The following ROBO2 variants were observed in gnomAD, a reference collection of about 807,000 sequenced individuals.
The protein encoded by ROBO2 is roundabout homolog 2.
In ROBO2, 53 loss-of-function variants were observed where a neutral mutation model predicts 160.8. That is an observed-to-expected ratio of 0.33 (90% confidence interval 0.26 to 0.41). The LOEUF is 0.41. ROBO2 is among the 10% of genes least tolerant of loss of function. The pLI is 1.00. For missense variants in ROBO2, 1,577 were observed against 1,722.4 expected, an observed-to-expected ratio of 0.92 and a Z score of 1.49; for synonymous variants, 664 against 611.7, an observed-to-expected ratio of 1.09 and a Z score of -1.26.
Position 77,527,156 on chromosome 3 carries a change from CTT to C in ROBO2, c.934+4256_934+4257del, listed in dbSNP as rs1210442677. ...ACTGCAGTAAGTGATGATGATAAGA[CTT>C]TACCTAAAATATCTCTCAAATTGCT... On this transcript the variant is annotated intron_variant, in intron 6 of 25. Coordinates refer to ENST00000461745, the Ensembl canonical transcript of ROBO2. Among the ~76,000 whole-genome samples the C allele has an allele frequency of 2.6e-5, 4 of 151,422 alleles. No homozygotes were observed. In the East Asian group the frequency reaches 7.8e-4, roughly 30 times the overall value.
chr3:77,587,488 CA>C (rs1217114477), intron 16 of ROBO2, among the ~76,000 whole-genome samples: 1 of 152,064 alleles, frequency 6.6e-6, no homozygotes, highest in African/African-American at 2.4e-5. Flanking sequence ...GCCCTTAAAG[CA>C]GCCCTTAAAC....
chr3:76,777,262 A>C (rs2062332893), intron 2 of ROBO2, among the ~76,000 whole-genome samples: 1 of 151,128 alleles, frequency 6.6e-6, no homozygotes, highest in Non-Finnish European at 1.5e-5. Context: ...TGCACAAAGG[A>C]GTTGAACACT....
In ROBO2 at chr3:77,014,497, C is replaced by T. The variant is rs2062114184; in HGVS notation, c.110-83517C>T. Reference sequence around the variant, plus strand: ...CAAAGCGAGCTGCAGCCATGTCACGCCGATCCCAGCAGTTTTCACACTCAC... The same window carrying T: ...CAAAGCGAGCTGCAGCCATGTCACGTCGATCCCAGCAGTTTTCACACTCAC... On this transcript the variant is annotated intron_variant, in intron 2 of 26. Coordinates refer to the ROBO2 transcript ENST00000487694. Among the ~76,000 whole-genome samples the T allele has an allele frequency of 3.9e-5, 6 of 152,150 alleles. No individual in the cohort carries two copies. The South Asian group carries it at 1.2e-3, about 31-fold the overall frequency.
chr3:76,395,058 T>C (rs572171135), intron 2 of ROBO2, among the ~76,000 whole-genome samples: 1 of 152,040 alleles, frequency 6.6e-6, no homozygotes, highest in African/African-American at 2.4e-5. Context: ...TATTCCAACA[T>C]TGACCACACA....
intron 2 of ROBO2, among the ~76,000 whole-genome samples, chr3:76,217,577 T>C (rs1703638692): frequency 6.6e-6 from 1 of 152,126 alleles, no homozygotes; most frequent in African/African-American, 2.4e-5. Context: ...AATGGATAAA[T>C]TCCTCGAAAC....
chr3:77,057,574 T>TTTG (rs1158120781), intron 1 of ROBO2, among the ~76,000 whole-genome samples: 1 of 139,810 alleles, frequency 7.2e-6, no homozygotes, highest in Non-Finnish European at 1.6e-5. Context: ...AGAGGATTTT[T>TTTG]TTTTTTTTTT....
intron 2 of ROBO2, among the ~76,000 whole-genome samples, chr3:76,466,204 T>A (rs1308338918): frequency 1.3e-5 from 2 of 151,948 alleles, no homozygotes; most frequent in Non-Finnish European, 2.9e-5. Context: ...CTCATCTTTA[T>A]CTTAGCATGG....
intron 2 of ROBO2, among the ~76,000 whole-genome samples, chr3:77,463,837 C>G (rs2082491338): frequency 6.6e-6 from 1 of 152,094 alleles, no homozygotes; most frequent in Admixed American, 6.5e-5. Flanking sequence ...GACCTCGTGG[C>G]CTGTCAAAGT....
intron 1 of ROBO2, among the ~76,000 whole-genome samples, chr3:77,091,707 G>T (rs1169660662): frequency 1.3e-5 from 2 of 152,044 alleles, no homozygotes; most frequent in Non-Finnish European, 2.9e-5. Flanking sequence ...GGCCAGGTAA[G>T]GTGGCTCATG....
intron 1 of ROBO2, among the ~76,000 whole-genome samples, chr3:77,054,928 ATG>A (rs574557375): frequency 0.023 from 2,557 of 113,196 alleles, 86 homozygotes; most frequent in African/African-American, 0.058. Context: ...TCTCGCGTGT[ATG>A]TGTGTGTGTG....
Position 76,854,645 on chromosome 3 carries a change from C to A in ROBO2, c.110-243369C>A, listed in dbSNP as rs570206678. Among the ~76,000 whole-genome samples, 3 of 152,192 alleles carry A rather than the reference C, an allele frequency of 2.0e-5. No homozygotes were observed. In the East Asian group the frequency reaches 5.8e-4, roughly 29 times the overall value. On this transcript the variant is annotated intron_variant, in intron 2 of 26. Transcript: ENST00000487694. ...AGATTTCTGCAAATTTCTTCAAATG[C>A]CTCATCTTGTAGAAAATGCAAGGCC...
intron 2 of ROBO2, among the ~76,000 whole-genome samples, chr3:76,106,028 T>G (rs2069913049): frequency 6.6e-6 from 1 of 152,112 alleles, no homozygotes; most frequent in African/African-American, 2.4e-5. Context: ...AGGTTAGAGG[T>G]TCAATATTCT....
intron 2 of ROBO2, among the ~76,000 whole-genome samples, chr3:76,154,591 T>C (rs537116608): frequency 9.2e-5 from 14 of 152,206 alleles, no homozygotes; most frequent in Admixed American, 3.3e-4. Flanking sequence ...TGGATTATTA[T>C]TGGGGAGTAG....
chr3:76,884,447 A>T (rs2073676039), intron 2 of ROBO2, among the ~76,000 whole-genome samples: 1 of 152,216 alleles, frequency 6.6e-6, no homozygotes, highest in African/African-American at 2.4e-5. Context: ...ATGGTACTGT[A>T]GAGCAGCAAA....
At chr3:76,975,849 T>A (rs1400561978) in intron 2 of ROBO2, among the ~76,000 whole-genome samples, 2 of 152,184 alleles carry the variant, frequency 1.3e-5, no homozygotes, top group African/African-American at 2.4e-5. Flanking sequence ...CCAAAACTCT[T>A]CTTACAGACA....
chr3:76,423,306 G>A (rs1005441780), intron 2 of ROBO2, among the ~76,000 whole-genome samples: 1 of 152,140 alleles, frequency 6.6e-6, no homozygotes, highest in Non-Finnish European at 1.5e-5. Flanking sequence ...TTAAGCTGTA[G>A]TGACACAACA....
At chr3:76,741,925 G>T (rs1388572139) in intron 2 of ROBO2, among the ~76,000 whole-genome samples, 1 of 152,070 alleles carries the variant, frequency 6.6e-6, no homozygotes, top group Middle Eastern at 3.4e-3. Context: ...AGTATAATGA[G>T]GCCTTTATAA....
intron 2 of ROBO2, among the ~76,000 whole-genome samples, chr3:77,117,945 T>C (rs541539041): frequency 3.0e-4 from 45 of 152,298 alleles, no homozygotes; most frequent in African/African-American, 1.1e-3. Flanking sequence ...CTTAGAAATG[T>C]TACCTTTGTT....
At chr3:76,192,568 ACAC>A (rs1702066568) in intron 2 of ROBO2, among the ~76,000 whole-genome samples, 1 of 132,756 alleles carries the variant, frequency 7.5e-6, no homozygotes, top group African/African-American at 2.8e-5. Flanking sequence ...ACACACACAC[ACAC>A]GTCATAAAAG....
Sources: gnomAD v4.1 joint callset for allele counts (sites outside exome capture counted in the v4.1 genomes callset) on GRCh38, gnomAD v4.1.1 for gene constraint, MANE v1.5 for transcripts, NCBI Gene and HGNC (gene_info 2026-07-23, HGNC 2026-07-21) for gene names.